TLN2: variants seen among roughly 807,000 people sequenced by gnomAD.
TLN2 encodes talin 2.
Under a neutral mutation model 294.7 loss-of-function variants are expected in TLN2, and 118 were observed. The observed-to-expected ratio is 0.40, with a 90% CI of 0.34 to 0.47. The LOEUF (loss-of-function observed/expected upper bound fraction) is 0.47, where lower values mean the gene tolerates loss of function less well. TLN2 is among the 20% of genes least tolerant of loss of function. TLN2 has a pLI of 0.84. For synonymous variants in TLN2, 1,431 were observed against 1,304.5 expected, an observed-to-expected ratio of 1.10 and a Z score of -2.09; for missense variants, 3,083 against 3,282.2, an observed-to-expected ratio of 0.94 and a Z score of 1.48.
At chr15:62,799,100 C>T (rs1435508451) in intron 48 of TLN2, among the ~76,000 whole-genome samples, 1 of 152,164 alleles carries the variant, frequency 6.6e-6, no homozygotes. Flanking sequence ...AAGCTAATTT[C>T]ACTGTGGATG....
chr15:62,650,534 A>G lies in TLN2; in HGVS notation c.234+353A>G, dbSNP rs541431044. Among the ~76,000 whole-genome samples, 5 of 152,344 alleles carry G rather than the reference A, an allele frequency of 3.3e-5. No homozygotes were observed. The East Asian group carries it at 9.6e-4, about 29-fold the overall frequency. ...CAAATGAGAGGGAAAAACGAAATGTAACCCTAATGGTAGTTAGAGACTGAA... is the reference window on the plus strand; with the variant it reads ...CAAATGAGAGGGAAAAACGAAATGTGACCCTAATGGTAGTTAGAGACTGAA... On this transcript the variant is annotated intron_variant, in intron 5 of 58. Coordinates refer to ENST00000636159, the MANE Select transcript of TLN2 (RefSeq NM_015059.3).
chr15:62,397,906 T>C lies in TLN2; in HGVS notation c.-238+7221T>C, dbSNP rs999873097. ...CAATCCCTGGCTTAGATGGCTGTTA[T>C]GCTTCTACCATTTTCAACCCAGACT... is the stretch of plus-strand genomic sequence containing the variant. On this transcript the variant is annotated intron_variant, in intron 1 of 58. Coordinates refer to ENST00000636159, the MANE Select transcript of TLN2 (RefSeq NM_015059.3). 1.1e-4 allele frequency among the ~76,000 whole-genome samples: 17 copies of C among 152,292 alleles called. No individual in the cohort carries two copies. The East Asian group carries it at 3.3e-3, about 29-fold the overall frequency.
At chr15:62,698,610 T>A (rs2058518030) in intron 15 of TLN2, 144 bp from the exon 16 acceptor site, 1 of 622,066 alleles carries the variant, frequency 1.6e-6, no homozygotes, top group South Asian at 1.9e-5. Flanking sequence ...CAGGTTGAAA[T>A]GGGAGATGGT....
chr15:62,591,843 G>T (rs753798692), intron 2 of TLN2, among the ~76,000 whole-genome samples: 3 of 152,168 alleles, frequency 2.0e-5, no homozygotes, highest in Non-Finnish European at 2.9e-5. Context: ...GCTCAGGATG[G>T]AGAAGAGCTT....
At chr15:62,653,005 T>C (rs2052773185) in intron 6 of TLN2, among the ~76,000 whole-genome samples, 157 bp from the exon 7 acceptor site, 1 of 152,194 alleles carries the variant, frequency 6.6e-6, no homozygotes, top group South Asian at 2.1e-4. Context: ...AGCTTCTTCA[T>C]TTAATTTGAT....
chr15:62,526,451 AT>A (rs1346251315), intron 1 of TLN2, among the ~76,000 whole-genome samples: 5 of 152,160 alleles, frequency 3.3e-5, no homozygotes, highest in Non-Finnish European at 7.3e-5. Context: ...ACTCAATGAT[AT>A]GCGTCGCTGG....
chr15:62,775,404 A>G (rs1195338687), intron 42 of TLN2, among the ~76,000 whole-genome samples: 1 of 152,156 alleles, frequency 6.6e-6, no homozygotes, highest in Non-Finnish European at 1.5e-5. Flanking sequence ...TTTGTGTTTT[A>G]CCATGTCTGT....
chr15:62,788,487 G>A (rs761263705), intron 45 of TLN2, among the ~76,000 whole-genome samples: 16 of 152,118 alleles, frequency 1.1e-4, no homozygotes, highest in African/African-American at 2.4e-4. Flanking sequence ...AAGTCCTACC[G>A]CATGTCAGAT....
chr15:62,656,089 A>G lies in TLN2; in HGVS notation c.660+3A>G, dbSNP rs755253575. ...AGCTGAACTTGCTTTATGTTCAGGTACAGTATTTACTGCTCAGACACTGAG... is the reference window on the plus strand; with the variant it reads ...AGCTGAACTTGCTTTATGTTCAGGTGCAGTATTTACTGCTCAGACACTGAG... On this transcript the variant is annotated splice_donor_region_variant and intron_variant, in intron 8 of 58. Transcript: ENST00000636159. 2.2e-5 allele frequency: 35 copies of G among 1,613,916 alleles called. No homozygotes were observed.
chr15:62,833,235 A>G (rs553604948), intron 54 of TLN2: 3 of 399,962 alleles, frequency 7.5e-6, no homozygotes, highest in Non-Finnish European at 1.4e-5. Context: ...GTGCCTGGCC[A>G]TTGTCTCTTA....
intron 4 of TLN2, 146 bp downstream of exon 4, chr15:62,647,592 T>G: frequency 8.9e-7 from 1 of 1,125,534 alleles, no homozygotes; most frequent in Non-Finnish European, 1.3e-6. Context: ...AGACACTACC[T>G]GCTTCCTCTG....
intron 48 of TLN2, among the ~76,000 whole-genome samples, chr15:62,798,675 C>A (rs1159004688): frequency 6.6e-6 from 1 of 152,192 alleles, no homozygotes; most frequent in Non-Finnish European, 1.5e-5. Flanking sequence ...GGTTAGAAAC[C>A]CCCTGTCATT....
chr15:62,562,972 C>G (rs1486506690), intron 1 of TLN2, among the ~76,000 whole-genome samples: 2 of 119,932 alleles, frequency 1.7e-5, no homozygotes, highest in East Asian at 5.4e-4. Context: ...ACACACACAC[C>G]AGTTTCTTTA....
chr15:62,497,042 A>G (rs1482824881), intron 1 of TLN2, among the ~76,000 whole-genome samples: 1 of 152,022 alleles, frequency 6.6e-6, no homozygotes, highest in African/African-American at 2.4e-5. Flanking sequence ...TGTCCCTTAC[A>G]TGTGTGACTG....
chr15:62,829,489 AC>A, intron 54 of TLN2: 2 of 145,230 alleles, frequency 1.4e-5, no homozygotes. Context: ...GTTACCTCCC[AC>A]CAGGTCCCTC....
intron 1 of TLN2, among the ~76,000 whole-genome samples, chr15:62,429,867 T>C (rs2034921559): frequency 6.6e-6 from 1 of 152,236 alleles, no homozygotes; most frequent in Admixed American, 6.5e-5. Flanking sequence ...TGAGATAATA[T>C]GTTTTCCTGA....
chr15:62,704,865 G>T (rs893061829), intron 19 of TLN2, among the ~76,000 whole-genome samples: 1 of 152,298 alleles, frequency 6.6e-6, no homozygotes, highest in African/African-American at 2.4e-5. Flanking sequence ...TTGTAGGCAG[G>T]TACCTATTTA....
At chr15:62,778,222 G>C (rs560916435) in intron 43 of TLN2, among the ~76,000 whole-genome samples, 1 of 152,170 alleles carries the variant, frequency 6.6e-6, no homozygotes, top group African/African-American at 2.4e-5. Context: ...TTTAGAGGCC[G>C]CAGGCTCTAC....
chr15:62,714,914 TG>T (rs1436098896), intron 22 of TLN2, among the ~76,000 whole-genome samples: 4 of 152,224 alleles, frequency 2.6e-5, no homozygotes, highest in Non-Finnish European at 5.9e-5. Flanking sequence ...GGTTTCCAGC[TG>T]CTCAAAATAC....
Sources: gnomAD v4.1 joint callset for allele counts (sites outside exome capture counted in the v4.1 genomes callset) on GRCh38, gnomAD v4.1.1 for gene constraint, MANE v1.5 for transcripts, NCBI Gene and HGNC (gene_info 2026-07-23, HGNC 2026-07-21) for gene names.